The following ATRN variants were observed in gnomAD, a reference collection of about 807,000 sequenced individuals.
The protein encoded by ATRN is attractin, also known as attractin-2.
A neutral mutation model predicts 178.7 loss-of-function variants in ATRN; 54 were observed. The observed-to-expected ratio is 0.30, with a 90% CI of 0.24 to 0.38. The LOEUF is 0.38. Ranked by LOEUF, ATRN falls within the 10% of genes least tolerant of loss-of-function variation. The pLI, the probability that ATRN is intolerant of heterozygous loss-of-function variation, is 1.00. For synonymous variants in ATRN, 636 were observed against 663.0 expected (o/e 0.96, Z 0.63); for missense variants, 1,443 against 1,815.1 (o/e 0.79, Z 3.73).
At chr20:3,548,862 T>C (rs2085746171) in intron 5 of ATRN, among the ~76,000 whole-genome samples, 1 of 152,162 alleles carries the variant, frequency 6.6e-6, no homozygotes, top group South Asian at 2.1e-4. Flanking sequence ...ATTTTATCCT[T>C]AAGATTTTTC....
rs143811207 is a variant in ATRN at position 3,518,599 on chromosome 20, G to A, written c.411-16654G>A. On this transcript the variant is annotated intron_variant, in intron 1 of 28. Transcript: ENST00000262919. ...TACACTTCAAAAGAGTAAGTCTTACGGAATGTGAATTAAAGCTCAATAAAA... is the reference window on the plus strand; with the variant it reads ...TACACTTCAAAAGAGTAAGTCTTACAGAATGTGAATTAAAGCTCAATAAAA... Among the ~76,000 whole-genome samples the A allele has an allele frequency of 3.3e-3, 509 of 152,166 alleles. 5 individuals are homozygous for A. Among genetic ancestry groups the A allele is most frequent in the African/African-American group, 0.012 (489 of 41,542 alleles).
At chr20:3,549,907 G>A (rs2085762557) in intron 6 of ATRN, among the ~76,000 whole-genome samples, 1 of 152,160 alleles carries the variant, frequency 6.6e-6, no homozygotes, top group Non-Finnish European at 1.5e-5. Context: ...CCCAGCATCT[G>A]TTCATTAAGG....
At chr20:3,616,646 T>C (rs235528) in intron 24 of ATRN, among the ~76,000 whole-genome samples, 24,052 of 151,992 alleles carry the variant, frequency 0.16, 2,028 homozygotes, top group African/African-American at 0.18. Flanking sequence ...GGCTGTGAAC[T>C]TGAGTCCTGA....
At chr20:3,557,146 A>C (rs1031318615) in intron 6 of ATRN, among the ~76,000 whole-genome samples, 1 of 152,250 alleles carries the variant, frequency 6.6e-6, no homozygotes, top group Non-Finnish European at 1.5e-5. Flanking sequence ...AAAGCTTTGC[A>C]GTGGTATGCA....
intron 20 of ATRN, among the ~76,000 whole-genome samples, chr20:3,595,085 C>T (rs538538018): frequency 2.0e-5 from 3 of 152,314 alleles, no homozygotes; most frequent in Admixed American, 6.5e-5. Flanking sequence ...CATGAGGATG[C>T]AGGTGCAGCA....
chr20:3,571,004 A>G (rs781744516), intron 11 of ATRN, among the ~76,000 whole-genome samples: 4 of 152,216 alleles, frequency 2.6e-5, no homozygotes, highest in Non-Finnish European at 4.4e-5. Context: ...ATAAATGGCT[A>G]CATTGTTTGA....
intron 1 of ATRN, among the ~76,000 whole-genome samples, chr20:3,499,449 G>A (rs1276110719): frequency 4.1e-5 from 6 of 147,634 alleles, no homozygotes; most frequent in Non-Finnish European, 9.0e-5. Context: ...CAAGGCTACA[G>A]TAACCAAAAC....
chr20:3,565,796 C>CAAAAAAAAA (rs10582104), intron 11 of ATRN, among the ~76,000 whole-genome samples: 4 of 100,244 alleles, frequency 4.0e-5, no homozygotes, highest in African/African-American at 7.7e-5. Context: ...GACTCTGTCT[C>CAAAAAAAAA]AAAAAAAAAA....
intron 1 of ATRN, among the ~76,000 whole-genome samples, chr20:3,486,631 C>T (rs1462715483): frequency 6.6e-6 from 1 of 152,134 alleles, no homozygotes; most frequent in African/African-American, 2.4e-5. Context: ...ATCTGTCCGC[C>T]TTGGCCTCCC....
chr20:3,575,104 C>T (rs1374708668), intron 12 of ATRN, among the ~76,000 whole-genome samples: 2 of 152,146 alleles, frequency 1.3e-5, no homozygotes, highest in Non-Finnish European at 2.9e-5. Context: ...GCTGGGATTA[C>T]AGGAACGCGC....
At chr20:3,542,653 CCT>C (rs1310373930) in intron 3 of ATRN, among the ~76,000 whole-genome samples, 45 of 137,770 alleles carry the variant, frequency 3.3e-4, no homozygotes, top group African/African-American at 1.1e-3. Context: ...CTTCCCTTTT[CCT>C]TTTCTTTCTC....
At chr20:3,581,212 C>T (rs2086278745) in intron 15 of ATRN, among the ~76,000 whole-genome samples, 1 of 152,128 alleles carries the variant, frequency 6.6e-6, no homozygotes, top group Non-Finnish European at 1.5e-5. Context: ...TGATCATGTC[C>T]CTGCACTCCA....
chr20:3,516,676 C>A (rs533491945), intron 1 of ATRN, among the ~76,000 whole-genome samples: 1 of 152,272 alleles, frequency 6.6e-6, no homozygotes, highest in African/African-American at 2.4e-5. Context: ...CCTCAGCTAC[C>A]TACTAGCTCT....
At chr20:3,619,210 G>A (rs2086877264) in intron 24 of ATRN, among the ~76,000 whole-genome samples, 2 of 152,200 alleles carry the variant, frequency 1.3e-5, no homozygotes, top group African/African-American at 4.8e-5. Flanking sequence ...CCTGTCTTGT[G>A]TGCTCATGAT....
chr20:3,539,577 C>T (rs557099130), intron 2 of ATRN, among the ~76,000 whole-genome samples: 40 of 151,970 alleles, frequency 2.6e-4, no homozygotes, highest in African/African-American at 8.9e-4. Context: ...TTGAAATAGT[C>T]GTTGAGAGTA....
At chr20:3,529,601 A>G (rs923132342) in intron 1 of ATRN, among the ~76,000 whole-genome samples, 7 of 152,198 alleles carry the variant, frequency 4.6e-5, no homozygotes, top group Non-Finnish European at 1.0e-4. Flanking sequence ...TGTAAAACTG[A>G]TCTATAGTGG....
chr20:3,473,712 A>G (rs1362097254), intron 1 of ATRN, among the ~76,000 whole-genome samples: 1 of 152,186 alleles, frequency 6.6e-6, no homozygotes, highest in Non-Finnish European at 1.5e-5. Context: ...AACCTGGGAC[A>G]CTGTGGTAGG....
chr20:3,598,342 A>C (rs957534326), intron 22 of ATRN, among the ~76,000 whole-genome samples: 1 of 152,194 alleles, frequency 6.6e-6, no homozygotes, highest in Non-Finnish European at 1.5e-5. Context: ...AAGAGTGACC[A>C]GAGGCTTAAA....
rs142918241 is a variant in ATRN at position 3,490,398 on chromosome 20, A to C, written c.410+18881A>C. The stretch of plus-strand genomic sequence containing the variant: ...CAGCCTGAATCTTCCCAAAAAGTTC[A>C]TTCTGATCTTGGAGAGGCTTTACTC... On this transcript the variant is annotated intron_variant, in intron 1 of 28. Transcript: ENST00000262919. 1,465 of 969,534 alleles carry C rather than the reference A, an allele frequency of 1.5e-3. 16 individuals carry two copies. The African/African-American group carries it at 0.021, about 14-fold the overall frequency. 60.1% of individuals were successfully genotyped at this position (969,534 alleles called of 1,614,324 possible).
Sources: allele counts gnomAD v4.1 joint callset (sites outside exome capture counted in the v4.1 genomes callset), GRCh38; gene constraint gnomAD v4.1.1; transcripts MANE v1.5; gene names NCBI Gene and HGNC (gene_info 2026-07-23, HGNC 2026-07-21).